PIWIL2: variants seen among roughly 807,000 people sequenced by gnomAD.
The protein encoded by PIWIL2 is piwi like RNA-mediated gene silencing 2.
A neutral mutation model predicts 116.5 loss-of-function variants in PIWIL2; 81 were observed. The ratio of observed to expected loss-of-function variants is 0.70; its 90% CI spans 0.58 to 0.84. The LOEUF is 0.84. Among genes scored for constraint, PIWIL2 ranks in the 40% least tolerant of loss-of-function variants. The probability of loss-of-function intolerance (pLI) is 0.00; values close to 1 mark genes in which losing one functional copy is unlikely to be tolerated. For synonymous variants in PIWIL2, 489 were observed against 429.5 expected (o/e 1.14, Z -1.71); for missense variants, 1,272 against 1,212.3 (o/e 1.05, Z -0.73).
intron 20 of PIWIL2, among the ~76,000 whole-genome samples, chr8:22,335,696 C>T (rs1420089682): frequency 2.0e-5 from 3 of 151,980 alleles, no homozygotes; most frequent in Non-Finnish European, 4.4e-5. Context: ...TACAGGTGTA[C>T]ACTACCACAC....
intron 20 of PIWIL2, among the ~76,000 whole-genome samples, chr8:22,319,768 CAG>C (rs1003335248): frequency 1.3e-5 from 2 of 152,170 alleles, no homozygotes; most frequent in African/African-American, 4.8e-5. Flanking sequence ...TTCCACAAGA[CAG>C]AGTGCTGGTG....
chr8:22,310,996 A>C (rs1172025365), intron 15 of PIWIL2, 116 bp from the exon 16 acceptor site: 1 of 869,796 alleles, frequency 1.1e-6, no homozygotes, highest in African/African-American at 1.7e-5. Flanking sequence ...GAGTTAGATA[A>C]GACAGGATTC....
intron 14 of PIWIL2, among the ~76,000 whole-genome samples, chr8:22,308,683 G>A (rs949463993): frequency 5.3e-5 from 8 of 152,160 alleles, no homozygotes; most frequent in East Asian, 3.9e-4. Flanking sequence ...AAAAAATAAC[G>A]ATGCAGTGTA....
intron 14 of PIWIL2, among the ~76,000 whole-genome samples, chr8:22,309,308 T>C (rs975112997): frequency 1.3e-4 from 20 of 151,830 alleles, no homozygotes; most frequent in Non-Finnish European, 2.9e-4. Context: ...TTTAGGGACA[T>C]TTATGTTTTT....
chr8:22,279,400 G>A lies in PIWIL2; in HGVS notation c.14G>A (p.Arg5Gln), dbSNP rs76073263. MDPF[R>Q]PSFRGQSPIH... ...TACAGCCCGTCCATGGATCCTTTCC[G>A]ACCATCGTTCAGGGGCCAGTCTCCT... The change falls in exon 2 of 23, where the codon CGA (arginine) becomes CAA (glutamine). Residue 5 changes from arginine (R) to glutamine (Q), a missense_variant. Physicochemically the swap from Arg to Gln is conservative, Grantham distance 43 (BLOSUM62 1). Transcript: ENST00000356766. 3,007 of 1,613,992 alleles carry A rather than the reference G, an allele frequency of 1.9e-3. 6 individuals carry two copies. The highest frequency in any genetic ancestry group is 8.9e-3 in the Middle Eastern group (54 of 6,062).
intron 20 of PIWIL2, among the ~76,000 whole-genome samples, chr8:22,341,864 A>G (rs1832118354): frequency 6.6e-6 from 1 of 152,080 alleles, no homozygotes; most frequent in South Asian, 2.1e-4. Flanking sequence ...TGCAGATAGC[A>G]TGATTGTCTA....
chr8:22,295,663 G>C (rs923896320), intron 10 of PIWIL2, among the ~76,000 whole-genome samples: 1 of 152,090 alleles, frequency 6.6e-6, no homozygotes, highest in African/African-American at 2.4e-5. Flanking sequence ...CCCTGCAGCT[G>C]TTACTGGCTT....
chr8:22,328,548 T>C (rs1433239951), intron 20 of PIWIL2, among the ~76,000 whole-genome samples: 1 of 152,184 alleles, frequency 6.6e-6, no homozygotes, highest in Non-Finnish European at 1.5e-5. Context: ...AACAATACTG[T>C]CTTCCAGCAT....
chr8:22,295,098 T>G (rs1830866660), intron 10 of PIWIL2, among the ~76,000 whole-genome samples: 1 of 151,946 alleles, frequency 6.6e-6, no homozygotes, highest in African/African-American at 2.4e-5. Flanking sequence ...AAAAATATTT[T>G]TATTTTCTCC....
intron 10 of PIWIL2, among the ~76,000 whole-genome samples, chr8:22,293,712 A>G (rs1830819537): frequency 6.6e-6 from 1 of 152,220 alleles, no homozygotes; most frequent in African/African-American, 2.4e-5. Flanking sequence ...ACAATTATTG[A>G]AAAACATTCT....
intron 14 of PIWIL2, among the ~76,000 whole-genome samples, chr8:22,308,373 G>C (rs1490924251): frequency 6.6e-6 from 1 of 151,950 alleles, no homozygotes; most frequent in Non-Finnish European, 1.5e-5. Context: ...ATGATGCAGG[G>C]CAGGCGTGGT....
At chr8:22,322,014 T>G (rs1053247713) in intron 20 of PIWIL2, 2 of 982,100 alleles carry the variant, frequency 2.0e-6, no homozygotes, top group African/African-American at 3.5e-5. Flanking sequence ...TTCCAAATAC[T>G]GTTTTGGTTT....
At chr8:22,294,423 T>C (rs1830839205) in intron 10 of PIWIL2, among the ~76,000 whole-genome samples, 2 of 146,084 alleles carry the variant, frequency 1.4e-5, no homozygotes, top group African/African-American at 5.1e-5. Context: ...GGGCAGATCA[T>C]GAAGTCAGGC....
At chr8:22,330,768 A>G (rs1831842309) in intron 20 of PIWIL2, among the ~76,000 whole-genome samples, 1 of 151,952 alleles carries the variant, frequency 6.6e-6, no homozygotes, top group Admixed American at 6.6e-5. Flanking sequence ...AAGACTGTCT[A>G]TAGGACCACG....
At chr8:22,326,211 TA>T (rs879742594) in intron 20 of PIWIL2, among the ~76,000 whole-genome samples, 9,327 of 144,682 alleles carry the variant, frequency 0.064, 328 homozygotes, top group Admixed American at 0.097. Context: ...TTGCTTGCTT[TA>T]AAAAAAAAAA....
chr8:22,323,200 T>C (rs1394574635), intron 20 of PIWIL2, among the ~76,000 whole-genome samples: 2 of 134,020 alleles, frequency 1.5e-5, no homozygotes, highest in African/African-American at 5.7e-5. Flanking sequence ...CAGGCTGGAG[T>C]GCAGTGGCAC....
intron 20 of PIWIL2, among the ~76,000 whole-genome samples, chr8:22,323,306 C>T (rs1831649380): frequency 6.6e-6 from 1 of 152,014 alleles, no homozygotes; most frequent in Non-Finnish European, 1.5e-5. Context: ...TGCCACCATG[C>T]CTGGCTAATT....
In PIWIL2 at chr8:22,310,047, A is replaced by G. The variant is rs1831290080; in HGVS notation, c.1773A>G (p.Glu591=). The G allele has an allele frequency of 4.4e-6, 7 of 1,599,910 alleles. No individual in the cohort carries two copies. The highest frequency in any genetic ancestry group is 1.1e-5 in the South Asian group (1 of 90,780). Residue 591 remains glutamate (E), a synonymous_variant, in exon 15 of 23, where the codon GAA becomes GAG. Transcript: ENST00000356766. ...ITSQELNWVK[E]VTRDPSILTI... The stretch of plus-strand genomic sequence containing the variant: ...CTCAGGAACTAAACTGGGTTAAGGA[A>G]GTAACCAGAGACCCTTCCATCTTGA...
chr8:22,352,419 A>G (rs114368874), intron 20 of PIWIL2, among the ~76,000 whole-genome samples: 6 of 152,162 alleles, frequency 3.9e-5, no homozygotes, highest in Non-Finnish European at 7.4e-5. Flanking sequence ...GTTTTACTGT[A>G]TGTTTACTGT....
Sources: gnomAD v4.1 joint callset for allele counts (sites outside exome capture counted in the v4.1 genomes callset) on GRCh38, gnomAD v4.1.1 for gene constraint, MANE v1.5 for transcripts, NCBI Gene and HGNC (gene_info 2026-07-23, HGNC 2026-07-21) for gene names.